The following HDAC9 variants were observed in gnomAD, a reference collection of about 807,000 sequenced individuals.
HDAC9 encodes the protein histone deacetylase 9, also known as MEF-2 interacting transcription repressor (MITR) protein.
Under a neutral mutation model 139.4 loss-of-function variants are expected in HDAC9, and 41 were observed. The ratio of observed to expected loss-of-function variants is 0.29; its 90% CI spans 0.23 to 0.38. HDAC9 has a LOEUF of 0.38. Ranked by LOEUF, HDAC9 falls within the 10% of genes least tolerant of loss-of-function variation. The pLI is 1.00. For missense variants in HDAC9, 1,147 were observed against 1,297.0 expected, an observed-to-expected ratio of 0.88 and a Z score of 1.78; for synonymous variants, 517 against 476.2, an observed-to-expected ratio of 1.09 and a Z score of -1.12.
At chr7:18,502,343 T>A (rs1798617814) in intron 2 of HDAC9, 1 of 152,166 alleles carries the variant, frequency 6.6e-6, no homozygotes, top group African/African-American at 2.4e-5. Flanking sequence ...TTCTTTCACT[T>A]GTTTTTCAGA....
intron 2 of HDAC9, among the ~76,000 whole-genome samples, chr7:18,165,992 G>T (rs905202274): frequency 6.6e-6 from 1 of 152,028 alleles, no homozygotes; most frequent in African/African-American, 2.4e-5. Flanking sequence ...TTTTAACCCA[G>T]GGCAGCTTTT....
At chr7:18,984,454 C>CAG (rs146444039) in intron 25 of HDAC9, among the ~76,000 whole-genome samples, 65 of 151,034 alleles carry the variant, frequency 4.3e-4, no homozygotes, top group East Asian at 3.5e-3. Context: ...TAAGCTTTCA[C>CAG]AGAGAGAGAG....
chr7:18,592,071 C>T (rs535683138), intron 5 of HDAC9, among the ~76,000 whole-genome samples: 1 of 152,028 alleles, frequency 6.6e-6, no homozygotes, highest in African/African-American at 2.4e-5. Context: ...TTTTATTACA[C>T]TTGACTTGGT....
At chr7:18,271,772 C>A (rs1796372625) in intron 2 of HDAC9, among the ~76,000 whole-genome samples, 1 of 152,134 alleles carries the variant, frequency 6.6e-6, no homozygotes, top group African/African-American at 2.4e-5. Flanking sequence ...GATGGAGAAC[C>A]CTCCTTTGAT....
At chr7:18,526,285 T>A (rs151219520) in intron 2 of HDAC9, among the ~76,000 whole-genome samples, 107 of 152,266 alleles carry the variant, frequency 7.0e-4, no homozygotes, top group Non-Finnish European at 9.0e-4. Context: ...AGTCTCCCCA[T>A]TGACCACCCC....
At chr7:18,434,762 A>C (rs1330432609) in intron 1 of HDAC9, among the ~76,000 whole-genome samples, 1 of 152,332 alleles carries the variant, frequency 6.6e-6, no homozygotes, top group Admixed American at 6.5e-5. Flanking sequence ...GAGACTGTGG[A>C]GAAAAAGGAA....
chr7:18,115,340 A>T (rs1170453329), intron 1 of HDAC9, among the ~76,000 whole-genome samples: 1 of 151,990 alleles, frequency 6.6e-6, no homozygotes, highest in Non-Finnish European at 1.5e-5. Context: ...CAGTATTCAC[A>T]TTTGCAAAAA....
At chr7:18,381,428 C>T (rs1273534904) in intron 1 of HDAC9, among the ~76,000 whole-genome samples, 1 of 151,734 alleles carries the variant, frequency 6.6e-6, no homozygotes, top group African/African-American at 2.4e-5. Flanking sequence ...AATATCAAAG[C>T]TTTACGTAAG....
In HDAC9 at chr7:18,753,762, A is replaced by G. The variant is rs1391302732; in HGVS notation, c.2043+4624A>G. Among the ~76,000 whole-genome samples the G allele has an allele frequency of 2.6e-5, 4 of 152,094 alleles. No homozygotes were observed. In the South Asian group the frequency reaches 6.2e-4, roughly 24 times the overall value. On this transcript the variant is annotated intron_variant, in intron 14 of 25. Transcript: ENST00000686413. ...TATTAGATTCGACCTTAGTTTTGCCATTAATTATCTGTGTGCTTTTGTCAG... is the reference window on the plus strand; with the variant it reads ...TATTAGATTCGACCTTAGTTTTGCCGTTAATTATCTGTGTGCTTTTGTCAG...
intron 21 of HDAC9, chr7:18,851,572 G>A (rs1412654303): frequency 6.6e-6 from 1 of 152,140 alleles, no homozygotes; most frequent in Non-Finnish European, 1.5e-5. Flanking sequence ...ACTGATACAG[G>A]TGCTCTACGT....
At chr7:18,276,380 AAC>A (rs557032518) in intron 2 of HDAC9, among the ~76,000 whole-genome samples, 41 of 152,304 alleles carry the variant, frequency 2.7e-4, no homozygotes, top group African/African-American at 9.6e-4. Context: ...ACCTTAGAAA[AAC>A]ACAAAACCTC....
At chr7:18,368,878 G>T (rs1784386079) in intron 1 of HDAC9, among the ~76,000 whole-genome samples, 1 of 152,040 alleles carries the variant, frequency 6.6e-6, no homozygotes, top group South Asian at 2.1e-4. Context: ...GTAGGCCACA[G>T]CCTGATGCTT....
intron 12 of HDAC9, among the ~76,000 whole-genome samples, chr7:18,716,393 T>C (rs967668273): frequency 6.6e-6 from 1 of 152,238 alleles, no homozygotes; most frequent in African/African-American, 2.4e-5. Context: ...ACATTACTTA[T>C]TGTGGACTTG....
intron 2 of HDAC9, among the ~76,000 whole-genome samples, chr7:18,247,410 G>A (rs1794628714): frequency 6.6e-6 from 1 of 152,018 alleles, no homozygotes; most frequent in Non-Finnish European, 1.5e-5. Context: ...TGGAAGCCAT[G>A]TAATGAAAGT....
chr7:18,436,574 T>C (rs1306803023), intron 1 of HDAC9, among the ~76,000 whole-genome samples: 2 of 152,234 alleles, frequency 1.3e-5, no homozygotes, highest in Non-Finnish European at 2.9e-5. Context: ...ACATATACAA[T>C]AAACATTTAA....
At chr7:18,762,384 G>T in intron 15 of HDAC9, 107 bp downstream of exon 15, 1 of 1,303,782 alleles carries the variant, frequency 7.7e-7, no homozygotes, top group South Asian at 1.4e-5. Context: ...CAAAAAATCA[G>T]TTTTTCCAAC....
At chr7:18,506,369 A>T (rs1038005568) in intron 2 of HDAC9, among the ~76,000 whole-genome samples, 8 of 152,216 alleles carry the variant, frequency 5.3e-5, no homozygotes, top group Non-Finnish European at 7.3e-5. Flanking sequence ...TTTTAGAAAC[A>T]GACATTGCTA....
intron 1 of HDAC9, chr7:18,127,229 AC>A (rs1244679635): frequency 5.9e-6 from 1 of 169,400 alleles, no homozygotes; most frequent in Admixed American, 6.5e-5. Flanking sequence ...ATCAACAAAT[AC>A]TTTTTTAGCA....
In HDAC9 at chr7:18,850,831, G is replaced by T. The variant is rs183823118; in HGVS notation, c.2684+14834G>T. 1.3e-3 allele frequency among the ~76,000 whole-genome samples: 191 copies of T among 152,240 alleles called. 1 individual carries two copies. Among genetic ancestry groups the T allele is most frequent in the Non-Finnish European group, 1.9e-3 (127 of 68,008 alleles). On this transcript the variant is annotated intron_variant, in intron 21 of 25. Coordinates refer to ENST00000686413, the MANE Select transcript of HDAC9 (RefSeq NM_178425.4). ...CAATGTCTGTTGAGGGCTGCTTTCT[G>T]GTTCATAGATGGCACCTTCTAGCTA...
Sources: gnomAD v4.1 joint callset for allele counts (sites outside exome capture counted in the v4.1 genomes callset) on GRCh38, gnomAD v4.1.1 for gene constraint, MANE v1.5 for transcripts, NCBI Gene and HGNC (gene_info 2026-07-23, HGNC 2026-07-21) for gene names.